TTC12: variants seen among roughly 807,000 people sequenced by gnomAD.
TTC12 encodes the protein tetratricopeptide repeat protein 12.
Under a neutral mutation model 90.1 loss-of-function variants are expected in TTC12, and 70 were observed. The observed-to-expected ratio is 0.78, with a 90% confidence interval of 0.64 to 0.95. The LOEUF is 0.95. Among genes scored for constraint, TTC12 ranks in the 40% least tolerant of loss-of-function variants. The probability of loss-of-function intolerance (pLI) is 0.00; values close to 1 mark genes in which losing one functional copy is unlikely to be tolerated. For missense variants in TTC12, 819 were observed against 846.1 expected (o/e 0.97, Z 0.40); for synonymous variants, 296 against 311.5 (o/e 0.95, Z 0.53).
rs1946935095 is a variant in TTC12, at chr11:113,316,268, A to C, written c.11A>C (p.Asp4Ala). MDADKEKDLQKFLK... is the reference protein window; with the variant it reads MDAAKEKDLQKFLK... ...GGATTCCGGTTCACAATGGATGCTG[A>C]TAAAGAGAAAGATTTGCAGAAATTT... is the stretch of plus-strand genomic sequence containing the variant. The change falls in exon 2 of 22, where the codon GAT (aspartate) becomes GCT (alanine). Residue 4 changes from aspartate to alanine, a missense_variant. Asp to Ala is a moderately radical substitution (Grantham distance 126). Coordinates refer to ENST00000529221, the MANE Select transcript of TTC12 (RefSeq NM_017868.4). The C allele has an allele frequency of 1.4e-6, 2 of 1,471,294 alleles. No homozygotes were observed. The highest frequency in any genetic ancestry group is 1.6e-5 in the South Asian group (1 of 61,694). 91.1% of individuals were successfully genotyped at this position (1,471,294 alleles called of 1,614,324 possible). A position where few individuals can be genotyped will look rare whatever the true frequency, so the allele number is the denominator to read the frequency against.
intron 1 of TTC12, chr11:113,315,064 C>T (rs1438902585): frequency 1.3e-5 from 2 of 152,384 alleles, no homozygotes; most frequent in Admixed American, 6.5e-5. Context: ...GCGCGCCTGC[C>T]TTCTAACCTT....
Position 113,329,918 on chromosome 11 carries a change from A to G in TTC12, c.445-2A>G. ...GAATATCAGCTGTTGGTTTCATTAC[A>G]GGCTTATATGAAACTTGAGGACTAT... On this transcript the variant is annotated splice_acceptor_variant, in intron 6 of 21. Transcript: ENST00000529221. LOFTEE classifies it high-confidence loss of function. 1 of 1,613,280 alleles carries G rather than the reference A, an allele frequency of 6.2e-7. No individual in the cohort carries two copies. The highest frequency in any genetic ancestry group is 1.1e-5 in the South Asian group (1 of 91,062).
chr11:113,354,226 A>G (rs1949490108), intron 16 of TTC12, among the ~76,000 whole-genome samples: 1 of 152,166 alleles, frequency 6.6e-6, no homozygotes, highest in South Asian at 2.1e-4. Flanking sequence ...GGTGGCAATT[A>G]TAAATGAGAT....
intron 7 of TTC12, among the ~76,000 whole-genome samples, chr11:113,334,304 G>T (rs533333793): frequency 2.4e-4 from 37 of 152,308 alleles, no homozygotes; most frequent in African/African-American, 7.9e-4. Flanking sequence ...GGGCAGGCAG[G>T]TGCAGGGCCT....
chr11:113,328,253 A>G (rs1947814822), intron 6 of TTC12, among the ~76,000 whole-genome samples: 1 of 152,208 alleles, frequency 6.6e-6, no homozygotes, highest in Non-Finnish European at 1.5e-5. Flanking sequence ...AGTGCTTCAG[A>G]GTTACTTAGT....
intron 7 of TTC12, among the ~76,000 whole-genome samples, chr11:113,330,838 G>A (rs1420073708): frequency 6.6e-6 from 1 of 152,120 alleles, no homozygotes; most frequent in African/African-American, 2.4e-5. Flanking sequence ...ACTTATCTTT[G>A]TTTTGATATA....
chr11:113,336,375 T>G (rs1309539035), intron 8 of TTC12, among the ~76,000 whole-genome samples: 2 of 152,222 alleles, frequency 1.3e-5, no homozygotes, highest in Non-Finnish European at 2.9e-5. Flanking sequence ...ACAAAAATGT[T>G]TAAGTTTGAT....
rs150025593 is a variant in TTC12, at chr11:113,346,318, C to T, written c.1154+1878C>T. ...TCTGCATCACTCACTTATGATGACACGGGGGGTGATGCAGTTGAATTTTTT... is the reference window on the plus strand; with the variant it reads ...TCTGCATCACTCACTTATGATGACATGGGGGGTGATGCAGTTGAATTTTTT... On this transcript the variant is annotated intron_variant, in intron 13 of 21. Coordinates refer to ENST00000529221, the MANE Select transcript of TTC12 (RefSeq NM_017868.4). 4.3e-4 allele frequency among the ~76,000 whole-genome samples: 65 copies of T among 152,118 alleles called. No individual in the cohort carries two copies. The East Asian group carries it at 0.011, about 25-fold the overall frequency.
At chr11:113,354,981 T>C (rs1182812734) in intron 16 of TTC12, among the ~76,000 whole-genome samples, 1 of 152,130 alleles carries the variant, frequency 6.6e-6, no homozygotes, top group Non-Finnish European at 1.5e-5. Flanking sequence ...CAGAATGAGT[T>C]AGGAAGGAGT....
At chr11:113,345,989 C>T (rs954309408) in intron 13 of TTC12, among the ~76,000 whole-genome samples, 4 of 152,130 alleles carry the variant, frequency 2.6e-5, no homozygotes, top group African/African-American at 9.7e-5. Flanking sequence ...GCCTCCTTAA[C>T]GTTCATCTCC....
At chr11:113,314,877 G>C (rs1009129759) in intron 1 of TTC12, 2 of 152,400 alleles carry the variant, frequency 1.3e-5, no homozygotes, top group Non-Finnish European at 1.5e-5. Context: ...TCCGCGCGGG[G>C]CTCGGGCACA....
At chr11:113,355,367 A>G (rs1235788527) in intron 16 of TTC12, among the ~76,000 whole-genome samples, 2 of 151,698 alleles carry the variant, frequency 1.3e-5, no homozygotes, top group Non-Finnish European at 2.9e-5. Context: ...TTTTTAGTCT[A>G]ACTAATGGTC....
At chr11:113,368,457 G>A (rs1380074852), downstream of TTC12, 10 of 1,550,540 alleles carry the variant, frequency 6.4e-6, no homozygotes, top group Non-Finnish European at 8.7e-6. Flanking sequence ...GACACGGCTT[G>A]TTCCAGGTAA....
chr11:113,340,091 C>T (rs1948598436), intron 10 of TTC12, among the ~76,000 whole-genome samples: 1 of 152,208 alleles, frequency 6.6e-6, no homozygotes. Flanking sequence ...ATCAGCTCTC[C>T]TACTAATGAG....
At chr11:113,368,188 G>C (rs1056150854), downstream of TTC12, 5 of 1,457,762 alleles carry the variant, frequency 3.4e-6, no homozygotes, top group Non-Finnish European at 3.6e-6. Context: ...TTGTTCCAGA[G>C]TGCCTGCCGA....
chr11:113,317,552 T>C (rs1476269146), intron 2 of TTC12, among the ~76,000 whole-genome samples: 3 of 152,202 alleles, frequency 2.0e-5, no homozygotes, highest in African/African-American at 7.2e-5. Flanking sequence ...TCCAGGCTTA[T>C]ACTTCCCACA....
At chr11:113,355,230 T>C (rs188450973) in intron 16 of TTC12, among the ~76,000 whole-genome samples, 4 of 152,344 alleles carry the variant, frequency 2.6e-5, no homozygotes, top group Admixed American at 6.5e-5. Context: ...TTCTAGATTT[T>C]CTAGTTTATG....
chr11:113,360,148 T>C (rs527240754), intron 18 of TTC12, 140 bp downstream of exon 18: 38 of 632,844 alleles, frequency 6.0e-5, no homozygotes, highest in Non-Finnish European at 1.0e-4. Flanking sequence ...GGTGTGGATA[T>C]ACTATTCAGA....
intron 10 of TTC12, among the ~76,000 whole-genome samples, chr11:113,340,106 A>G (rs1485284892): frequency 2.0e-5 from 3 of 152,236 alleles, no homozygotes; most frequent in African/African-American, 7.2e-5. Context: ...AATGAGGGCC[A>G]TACTGTTCTC....
Sources: allele counts gnomAD v4.1 joint callset (sites outside exome capture counted in the v4.1 genomes callset), GRCh38; gene constraint gnomAD v4.1.1; transcripts MANE v1.5; gene names NCBI Gene and HGNC (gene_info 2026-07-23, HGNC 2026-07-21).